The following ESYT3 variants were observed in gnomAD, a reference collection of about 807,000 sequenced individuals.
ESYT3 encodes the protein extended synaptotagmin-3.
Under a neutral mutation model 111.5 loss-of-function variants are expected in ESYT3, and 101 were observed. The observed-to-expected ratio is 0.91, with a 90% CI of 0.77 to 1.07. The LOEUF is 1.07. Among genes scored for constraint, ESYT3 ranks in the 50% least tolerant of loss-of-function variants. The probability of loss-of-function intolerance (pLI) is 0.00; values close to 1 mark genes in which losing one functional copy is unlikely to be tolerated. For missense variants in ESYT3, 1,097 were observed against 1,109.4 expected, an observed-to-expected ratio of 0.99 and a Z score of 0.16; for synonymous variants, 416 against 446.8, an observed-to-expected ratio of 0.93 and a Z score of 0.87.
At position 138,434,847 on chromosome 3, in the gene ESYT3, G is replaced by C; in HGVS notation, c.49G>C (p.Ala17Pro). 4 of 1,551,172 alleles carry C rather than the reference G, an allele frequency of 2.6e-6. No individual in the cohort carries two copies. The highest frequency in any genetic ancestry group is 2.3e-4 in the Middle Eastern group (1 of 4,424). The change falls in exon 1 of 23, where the codon GCC becomes CCC. Residue 17 changes from alanine (A) to proline (P), a missense_variant. Ala to Pro is a conservative substitution (Grantham distance 27). Transcript: ENST00000389567. The stretch of plus-strand genomic sequence containing the variant: ...CCCCGGGGCCCCCAGCGCCCTGGGA[G>C]CCCAGCGCACGCCGGGCCCCGAGCT... ...CAPGAPSALG[A>P]QRTPGPELRL...
intron 8 of ESYT3, chr3:138,462,514 A>G: frequency 2.0e-6 from 1 of 509,212 alleles, no homozygotes; most frequent in Admixed American, 3.4e-5. Flanking sequence ...TTAGGGTTTT[A>G]TACCTTAACT....
At position 138,434,652 on chromosome 3, in the gene ESYT3, T is replaced by A; in HGVS notation, c.-147T>A. The A allele has an allele frequency of 1.4e-6, 1 of 722,794 alleles. No homozygotes were observed. Among genetic ancestry groups the A allele is most frequent in the South Asian group, 2.1e-5 (1 of 46,986 alleles). The allele number at this position is 722,794 out of a possible 1,614,324, so 44.8% of individuals were successfully genotyped here. ...CGCTGCTCTCCGTCGCAGAGAACCC[T>A]GAGCTCGGCGCGCCGAGAGTCCCAG... On this transcript the variant is annotated 5_prime_UTR_variant, in exon 1 of 23. Transcript: ENST00000389567.
chr3:138,436,738 AC>A (rs2030727804), intron 1 of ESYT3, among the ~76,000 whole-genome samples: 1 of 152,168 alleles, frequency 6.6e-6, no homozygotes, highest in Non-Finnish European at 1.5e-5. Flanking sequence ...CACCCCTTGC[AC>A]ACAGTTGAGG....
intron 8 of ESYT3, among the ~76,000 whole-genome samples, chr3:138,463,170 C>G (rs1467973480): frequency 1.3e-5 from 2 of 152,086 alleles, no homozygotes; most frequent in East Asian, 3.9e-4. Flanking sequence ...TCTTGGCTTA[C>G]TGCAACCTCT....
At chr3:138,470,723 G>T in intron 16 of ESYT3, 154 bp from the exon 17 acceptor site, 5 of 1,484,540 alleles carry the variant, frequency 3.4e-6, no homozygotes, top group Non-Finnish European at 4.5e-6. Context: ...ACCAGGTCTG[G>T]CCTGATCCCA....
At chr3:138,458,886 G>C (rs1450833652) in intron 4 of ESYT3, among the ~76,000 whole-genome samples, 3 of 152,198 alleles carry the variant, frequency 2.0e-5, no homozygotes, top group Non-Finnish European at 4.4e-5. Context: ...ATCGTGGGGT[G>C]AGGTGAGTGC....
At chr3:138,452,161 A>C in intron 2 of ESYT3, 72 bp downstream of exon 2, 1 of 1,486,290 alleles carries the variant, frequency 6.7e-7, no homozygotes, top group Non-Finnish European at 9.2e-7. Flanking sequence ...TGTCACCCCC[A>C]CAGCCTGATG....
intron 6 of ESYT3, 46 bp from the exon 7 acceptor site, chr3:138,460,565 G>A (rs1259764881): frequency 6.2e-7 from 1 of 1,606,750 alleles, no homozygotes; most frequent in Non-Finnish European, 8.5e-7. Flanking sequence ...CTCAGCCCTG[G>A]GCTCCCAACC....
At chr3:138,443,892 T>C (rs2031347371) in intron 1 of ESYT3, among the ~76,000 whole-genome samples, 1 of 152,112 alleles carries the variant, frequency 6.6e-6, no homozygotes, top group African/African-American at 2.4e-5. Context: ...CAAGCTCTTG[T>C]CAAGGCCTCC....
intron 1 of ESYT3, 114 bp from the exon 2 acceptor site, chr3:138,451,934 G>A: frequency 8.5e-7 from 1 of 1,178,494 alleles, no homozygotes; most frequent in Admixed American, 1.7e-5. Flanking sequence ...CGGCGGGGAG[G>A]AAGGGTTGAG....
intron 14 of ESYT3, 149 bp downstream of exon 14, chr3:138,469,030 G>A: frequency 1.2e-6 from 1 of 850,978 alleles, no homozygotes; most frequent in Non-Finnish European, 2.0e-6. Context: ...TCTACTGTGT[G>A]CCAGGCACTA....
intron 2 of ESYT3, among the ~76,000 whole-genome samples, chr3:138,454,791 TA>T (rs2032169609): frequency 6.6e-6 from 1 of 152,212 alleles, no homozygotes; most frequent in African/African-American, 2.4e-5. Context: ...GGAAACAATT[TA>T]ACTTTCTCTT....
chr3:138,476,996 C>G lies in ESYT3; in HGVS notation c.*142C>G, dbSNP rs1441416488. 5 of 549,444 alleles carry G rather than the reference C, an allele frequency of 9.1e-6. No individual in the cohort carries two copies. The highest frequency in any genetic ancestry group is 1.5e-5 in the Non-Finnish European group (5 of 326,630). 34.0% of individuals were successfully genotyped at this position (549,444 alleles called of 1,614,324 possible). On this transcript the variant is annotated 3_prime_UTR_variant, in exon 23 of 23. Transcript: ENST00000389567. ...CACTTGAAATTATATACATACAATTCTTGTGTGGAATTTAACTCCATGACT... is the reference window on the plus strand; with the variant it reads ...CACTTGAAATTATATACATACAATTGTTGTGTGGAATTTAACTCCATGACT...
intron 1 of ESYT3, among the ~76,000 whole-genome samples, chr3:138,443,518 A>G (rs1005311204): frequency 3.3e-5 from 5 of 152,222 alleles, no homozygotes; most frequent in African/African-American, 1.2e-4. Flanking sequence ...CTCCTTTTGT[A>G]GGACATCTCT....
chr3:138,460,603 CCCTGAAGCA>C lies in ESYT3; in HGVS notation c.739-4_743del. 1 of 1,614,020 alleles carries C rather than the reference CCCTGAAGCA, an allele frequency of 6.2e-7. No homozygotes were observed. On this transcript the variant is annotated splice_acceptor_variant and splice_polypyrimidine_tract_variant and coding_sequence_variant and intron_variant, in exon 7 of 23. Transcript: ENST00000389567. LOFTEE classifies it high-confidence loss of function. ...TTCCAGCCTAATAGCTTCCCTCTGC[CCCTGAAGCA>C]CCTACAGATCAACTGGACTGGCCTG...
intron 1 of ESYT3, among the ~76,000 whole-genome samples, chr3:138,439,365 C>T (rs527327591): frequency 4.8e-4 from 73 of 152,248 alleles, no homozygotes; most frequent in African/African-American, 1.7e-3. Context: ...GAACCCCCTG[C>T]ACCCTGGCTT....
rs1052463009 is a variant in ESYT3, at chr3:138,440,595, C to T, written c.327+5470C>T. Among the ~76,000 whole-genome samples the T allele has an allele frequency of 5.3e-5, 8 of 152,190 alleles. No homozygotes were observed. Among genetic ancestry groups the T allele is most frequent in the Admixed American group, 3.9e-4 (6 of 15,282 alleles). On this transcript the variant is annotated intron_variant, in intron 1 of 22. Transcript: ENST00000389567. The surrounding 1 kb of genome is among the most constrained non-coding windows in gnomAD (Gnocchi z 4.2). The stretch of plus-strand genomic sequence containing the variant: ...CTTGGAATTAGGGAGACTTCTTACC[C>T]TTGAGGTCCCTGCAGCCCTGTGAAG...
At chr3:138,459,048 T>C (rs1576446616) in intron 4 of ESYT3, 139 bp from the exon 5 acceptor site, 2 of 565,626 alleles carry the variant, frequency 3.5e-6, no homozygotes, top group East Asian at 3.0e-5. Flanking sequence ...TACTAGGCCA[T>C]GTGCCCAGTG....
chr3:138,439,460 C>T (rs1187684796), intron 1 of ESYT3, among the ~76,000 whole-genome samples: 4 of 152,204 alleles, frequency 2.6e-5, no homozygotes, highest in African/African-American at 9.7e-5. Context: ...AGAGCCCATC[C>T]TTCGTGCTCT....
Sources: gnomAD v4.1 joint callset for allele counts (sites outside exome capture counted in the v4.1 genomes callset) on GRCh38, gnomAD v4.1.1 for gene constraint, Gnocchi (gnomAD v3.1) non-coding constraint, MANE v1.5 for transcripts, NCBI Gene and HGNC (gene_info 2026-07-23, HGNC 2026-07-21) for gene names.